Variants in RPA1 observed in about 807,000 individuals in gnomAD.
The protein encoded by RPA1 is replication protein A 70 kDa DNA-binding subunit.
In RPA1, 49 loss-of-function variants were observed where a neutral mutation model predicts 83.0. That is an observed-to-expected ratio of 0.59 (90% confidence interval 0.47 to 0.75). The LOEUF is 0.75. Ranked by LOEUF, RPA1 falls within the 30% of genes least tolerant of loss-of-function variation. RPA1 has a pLI of 0.00. For synonymous variants in RPA1, 279 were observed against 281.8 expected (o/e 0.99, Z 0.10); for missense variants, 693 against 776.1 (o/e 0.89, Z 1.27).
chr17:1,890,134 C>CTGAG lies in RPA1; in HGVS notation c.1551+1284_1551+1287dup, dbSNP rs1914150697. 6.6e-5 allele frequency among the ~76,000 whole-genome samples: 10 copies of CTGAG among 152,316 alleles called. No individual in the cohort carries two copies. In the South Asian group the frequency reaches 1.7e-3, roughly 25 times the overall value. Reference sequence around the variant, plus strand: ...CCTGTAACCCCAGCACTTTGGAAGGCTGAGGCAGGATGATTGCTTGAGGCT... The same window carrying CTGAG: ...CCTGTAACCCCAGCACTTTGGAAGGCTGAGTGAGGCAGGATGATTGCTTGAGGCT... On this transcript the variant is annotated intron_variant, in intron 14 of 16. Coordinates refer to ENST00000254719, the MANE Select transcript of RPA1 (RefSeq NM_002945.5).
intron 4 of RPA1, among the ~76,000 whole-genome samples, chr17:1,849,113 G>T (rs1276845971): frequency 6.6e-6 from 1 of 152,108 alleles, no homozygotes; most frequent in Non-Finnish European, 1.5e-5. Context: ...TGTTCAAAGT[G>T]TGTACACCAG....
chr17:1,881,586 A>G (rs1465480635), intron 12 of RPA1, among the ~76,000 whole-genome samples: 1 of 152,054 alleles, frequency 6.6e-6, no homozygotes, highest in East Asian at 1.9e-4. Context: ...CTAGCCACAG[A>G]TTTGCTTTTT....
In RPA1 at chr17:1,875,755, A is replaced by G. The variant is rs1913549962; in HGVS notation, c.549A>G (p.Lys183=). 1 of 1,614,146 alleles carries G rather than the reference A, an allele frequency of 6.2e-7. No homozygotes were observed. The highest frequency in any genetic ancestry group is 1.3e-5 in the African/African-American group (1 of 75,020). ...LSHTSGGTQS[K]VVPIASLTPY... Reference sequence around the variant, plus strand: ...ACACTTCTGGGGGAACACAGTCCAAAGTGGTGCCCATTGCCAGCCTCACTC... The same window carrying G: ...ACACTTCTGGGGGAACACAGTCCAAGGTGGTGCCCATTGCCAGCCTCACTC... Residue 183 remains lysine (K), a synonymous_variant, in exon 7 of 17, where the codon AAA becomes AAG. Transcript: ENST00000254719.
chr17:1,875,429 T>C (rs763591883), intron 6 of RPA1, among the ~76,000 whole-genome samples: 3 of 152,230 alleles, frequency 2.0e-5, no homozygotes, highest in Non-Finnish European at 2.9e-5. Flanking sequence ...TCAGCAAACA[T>C]AGCAGTGAGC....
chr17:1,833,920 G>T (rs1567797660), intron 1 of RPA1, among the ~76,000 whole-genome samples: 2 of 152,208 alleles, frequency 1.3e-5, no homozygotes, highest in African/African-American at 2.4e-5. Flanking sequence ...AGTGGCTCAT[G>T]CCTGTAATCT....
chr17:1,835,342 A>G (rs1054261118), intron 1 of RPA1, among the ~76,000 whole-genome samples: 3 of 151,402 alleles, frequency 2.0e-5, no homozygotes, highest in East Asian at 1.9e-4. Flanking sequence ...TTTTGTGTAG[A>G]GATGGGGTTT....
intron 16 of RPA1, among the ~76,000 whole-genome samples, chr17:1,895,298 C>T (rs911036443): frequency 1.1e-4 from 16 of 147,122 alleles, no homozygotes; most frequent in Admixed American, 3.4e-4. Flanking sequence ...GAAACAATGG[C>T]GGGGGGGTGG....
chr17:1,846,937 T>G (rs1210163368), intron 4 of RPA1, among the ~76,000 whole-genome samples: 2 of 152,202 alleles, frequency 1.3e-5, no homozygotes, highest in Non-Finnish European at 2.9e-5. Flanking sequence ...TGTTTTTTTC[T>G]TAGCTGTTCA....
chr17:1,877,444 G>A (rs937083504), intron 8 of RPA1, 130 bp downstream of exon 8: 17 of 729,398 alleles, frequency 2.3e-5, no homozygotes, highest in South Asian at 3.3e-5. Context: ...TGGGCTCGCC[G>A]AGAAACAGAA....
chr17:1,859,496 T>C (rs1912855349), intron 5 of RPA1, among the ~76,000 whole-genome samples: 1 of 152,256 alleles, frequency 6.6e-6, no homozygotes, highest in Non-Finnish European at 1.5e-5. Flanking sequence ...TAAATATCTA[T>C]ATAATTTAGA....
At chr17:1,870,147 G>A (rs1913324025) in intron 5 of RPA1, among the ~76,000 whole-genome samples, 1 of 152,206 alleles carries the variant, frequency 6.6e-6, no homozygotes, top group African/African-American at 2.4e-5. Context: ...TAAAGGGTAT[G>A]ATAATAGTGT....
At position 1,884,809 on chromosome 17, in the gene RPA1, G is replaced by T. The variant is rs142719891; in HGVS notation, c.1374+865G>T. On this transcript the variant is annotated intron_variant, in intron 13 of 16. Transcript: ENST00000254719. The surrounding 1 kb of genome is among the most constrained non-coding windows in gnomAD (Gnocchi z 4.1). ...GTGGATTACATGAGCCCAGGAGTTC[G>T]ACTGAGCAACATGGAAGACCCCTTC... Among the ~76,000 whole-genome samples the T allele has an allele frequency of 2.6e-5, 4 of 152,264 alleles. No homozygotes were observed. The highest frequency in any genetic ancestry group is 9.6e-5 in the African/African-American group (4 of 41,556).
At chr17:1,868,284 C>G (rs143830392) in intron 5 of RPA1, among the ~76,000 whole-genome samples, 11 of 152,314 alleles carry the variant, frequency 7.2e-5, no homozygotes, top group African/African-American at 2.6e-4. Flanking sequence ...CTTATAGTGA[C>G]TTCTACCTCA....
chr17:1,856,723 G>C (rs969352713), intron 5 of RPA1, among the ~76,000 whole-genome samples: 10 of 150,744 alleles, frequency 6.6e-5, no homozygotes, highest in African/African-American at 2.4e-4. Flanking sequence ...GTAGAGACAG[G>C]ATTTTGCCAT....
At chr17:1,842,936 G>C (rs1379829198) in intron 2 of RPA1, 83 bp downstream of exon 2, 1 of 1,443,196 alleles carries the variant, frequency 6.9e-7, no homozygotes, top group Non-Finnish European at 9.7e-7. Flanking sequence ...AGGACAGACA[G>C]ATTTGTCCAC....
At chr17:1,838,756 C>G (rs777178425) in intron 1 of RPA1, among the ~76,000 whole-genome samples, 4 of 152,078 alleles carry the variant, frequency 2.6e-5, no homozygotes, top group Non-Finnish European at 4.4e-5. Flanking sequence ...ATATATAGCT[C>G]TTTTTTAAAT....
intron 6 of RPA1, among the ~76,000 whole-genome samples, chr17:1,873,898 C>T (rs1313744142): frequency 6.8e-6 from 1 of 147,616 alleles, no homozygotes; most frequent in Non-Finnish European, 1.5e-5. Flanking sequence ...GAGGCTGAGG[C>T]ATGAGAATCA....
chr17:1,888,573 A>G (rs1914080145), intron 13 of RPA1, 102 bp from the exon 14 acceptor site: 13 of 1,140,666 alleles, frequency 1.1e-5, no homozygotes, highest in Non-Finnish European at 1.6e-5. Flanking sequence ...GGATGTAGAA[A>G]CACTTACCAC....
chr17:1,868,886 A>G (rs141452792), intron 5 of RPA1, among the ~76,000 whole-genome samples: 17 of 152,368 alleles, frequency 1.1e-4, no homozygotes, highest in Non-Finnish European at 2.1e-4. Context: ...GTCTGCGTAT[A>G]TAAGTTCCAT....
Sources: allele counts gnomAD v4.1 joint callset (sites outside exome capture counted in the v4.1 genomes callset), GRCh38; gene constraint gnomAD v4.1.1; non-coding constraint Gnocchi (gnomAD v3.1); transcripts MANE v1.5; gene names NCBI Gene and HGNC (gene_info 2026-07-23, HGNC 2026-07-21).